Variants in NFKB1 observed in about 807,000 individuals in gnomAD.
NFKB1 encodes the protein nuclear factor NF-kappa-B p105 subunit.
A neutral mutation model predicts 105.1 loss-of-function variants in NFKB1; 9 were observed. That is an observed-to-expected ratio of 0.09 (90% CI 0.05 to 0.15). The LOEUF (loss-of-function observed/expected upper bound fraction) is 0.15. NFKB1 is among the 10% of genes least tolerant of loss of function. The pLI is 1.00. For synonymous variants in NFKB1, 440 were observed against 442.2 expected (o/e 1.00, Z 0.06); for missense variants, 830 against 1,203.7 (o/e 0.69, Z 4.59).
At chr4:102,506,872 T>A (rs983110349) in intron 1 of NFKB1, among the ~76,000 whole-genome samples, 2 of 151,622 alleles carry the variant, frequency 1.3e-5, no homozygotes, top group African/African-American at 4.8e-5. Context: ...AAAAGTTAGT[T>A]ACATATATAT....
chr4:102,610,772 T>C, intron 20 of NFKB1, 73 bp downstream of exon 20: 3 of 1,549,704 alleles, frequency 1.9e-6, no homozygotes, highest in Non-Finnish European at 2.6e-6. Flanking sequence ...GAACAGATGG[T>C]CTTCCTGGTG....
At chr4:102,551,364 G>GCGCGCGCGCGCA (rs1481555874) in intron 5 of NFKB1, among the ~76,000 whole-genome samples, 38 of 88,942 alleles carry the variant, frequency 4.3e-4, no homozygotes, top group African/African-American at 2.1e-3. Context: ...GTGTGTGTGT[G>GCGCGCGCGCGCA]TGTGCGCGCG....
chr4:102,546,694 C>G (rs917207682), intron 5 of NFKB1, among the ~76,000 whole-genome samples: 1 of 152,092 alleles, frequency 6.6e-6, no homozygotes. Flanking sequence ...TTCCTAGAGA[C>G]AAAAGATAAG....
chr4:102,506,112 G>T (rs1739400359), intron 1 of NFKB1, among the ~76,000 whole-genome samples: 1 of 152,082 alleles, frequency 6.6e-6, no homozygotes, highest in African/African-American at 2.4e-5. Flanking sequence ...GAAAAAAAAT[G>T]CCTTTTAGTT....
chr4:102,515,375 G>A (rs375800845), intron 1 of NFKB1, among the ~76,000 whole-genome samples: 222 of 152,040 alleles, frequency 1.5e-3, no homozygotes, highest in African/African-American at 5.0e-3. Flanking sequence ...CTCCCAAAGT[G>A]CTGGGATTAC....
intron 16 of NFKB1, among the ~76,000 whole-genome samples, chr4:102,603,499 G>A (rs1038495039): frequency 6.6e-6 from 1 of 152,068 alleles, no homozygotes; most frequent in African/African-American, 2.4e-5. Context: ...TATCCCTTCT[G>A]ATTTGGGGAC....
intron 1 of NFKB1, among the ~76,000 whole-genome samples, chr4:102,519,372 T>C (rs1740419977): frequency 6.8e-6 from 1 of 147,960 alleles, no homozygotes; most frequent in Non-Finnish European, 1.5e-5. Flanking sequence ...TGTAAGTATA[T>C]GTATATAATT....
At chr4:102,577,123 C>T in intron 7 of NFKB1, 84 bp downstream of exon 7, 1 of 1,387,092 alleles carries the variant, frequency 7.2e-7, no homozygotes, top group Non-Finnish European at 9.8e-7. Context: ...TCATCTGCAT[C>T]CCTTCCAGTC....
intron 5 of NFKB1, among the ~76,000 whole-genome samples, chr4:102,550,996 A>T (rs1342370599): frequency 6.6e-6 from 1 of 152,204 alleles, no homozygotes; most frequent in African/African-American, 2.4e-5. Context: ...ATTAATTTTT[A>T]AAATAGGTGT....
chr4:102,578,389 C>T (rs1725039105), intron 7 of NFKB1: 1 of 157,944 alleles, frequency 6.3e-6, no homozygotes, highest in Middle Eastern at 3.2e-3. Context: ...AAACAGATGT[C>T]CCTGAGTCAT....
At chr4:102,598,576 A>G (rs1726847208) in intron 15 of NFKB1, among the ~76,000 whole-genome samples, 1 of 152,224 alleles carries the variant, frequency 6.6e-6, no homozygotes, top group Non-Finnish European at 1.5e-5. Context: ...TGGTATAACC[A>G]CTGGCCTTGT....
chr4:102,562,368 A>G (rs1723513438), intron 5 of NFKB1, among the ~76,000 whole-genome samples: 2 of 152,138 alleles, frequency 1.3e-5, no homozygotes, highest in South Asian at 4.1e-4. Context: ...TTATTTGATT[A>G]GTGTCAGTCC....
rs780527532 is a variant in NFKB1 at position 102,611,965 on chromosome 4, GTTGT to G, written c.2353-76_2353-73del. The G allele has an allele frequency of 3.5e-6, 4 of 1,143,562 alleles. No individual in the cohort carries two copies. In the East Asian group the frequency reaches 7.2e-5, roughly 21 times the overall value. 70.8% of individuals were successfully genotyped at this position (1,143,562 alleles called of 1,614,324 possible). ...GGCCCTCCTAAGGAGGACATGCTGAGTTGTTTATTATAAAGAAACAGACTGCCCT... is the reference window on the plus strand; with the variant it reads ...GGCCCTCCTAAGGAGGACATGCTGAGTTATTATAAAGAAACAGACTGCCCT... On this transcript the variant is annotated intron_variant, in intron 20 of 23. Coordinates refer to ENST00000226574, the MANE Select transcript of NFKB1 (RefSeq NM_003998.4).
At chr4:102,597,696 G>T in intron 15 of NFKB1, 35 bp downstream of exon 15, 1 of 1,592,974 alleles carries the variant, frequency 6.3e-7, no homozygotes, top group Non-Finnish European at 8.6e-7. Context: ...GGTTGTCCTG[G>T]GTGGGGAAGA....
At chr4:102,587,146 G>C (rs1725774771) in intron 11 of NFKB1, among the ~76,000 whole-genome samples, 1 of 152,210 alleles carries the variant, frequency 6.6e-6, no homozygotes, top group African/African-American at 2.4e-5. Flanking sequence ...GGCCCTGCCA[G>C]CTCGGCCTTC....
Position 102,612,493 on chromosome 4 carries a change from C to T in NFKB1, c.2479C>T (p.Pro827Ser). The T allele has an allele frequency of 6.2e-7, 1 of 1,613,918 alleles. No individual in the cohort carries two copies. Among genetic ancestry groups the T allele is most frequent in the Admixed American group, 1.7e-5 (1 of 60,030 alleles). Residue 827 changes from proline to serine, a missense_variant, in exon 22 of 24, where the codon CCT becomes TCT. By Grantham distance (74) the Pro-to-Ser change is moderately conservative (BLOSUM62 -1). This residue lies in a region of NFKB1 where 418 missense variants were observed against 575.3 expected (regional missense o/e 0.73). Transcript: ENST00000226574. ...GCAGCTGTATAAGTTACTAGAAATT[C>T]CTGATCCAGACAAAAACTGGGCTAC... ...KLQLYKLLEI[P>S]DPDKNWATLA... is the part of the protein sequence containing the mutation.
intron 10 of NFKB1, 50 bp from the exon 11 acceptor site, chr4:102,584,627 CAAAAA>C: frequency 3.0e-6 from 4 of 1,328,000 alleles, no homozygotes; most frequent in East Asian, 2.7e-5. Flanking sequence ...AGCATTACTG[CAAAAA>C]AAAAAAAAAT....
At chr4:102,546,145 T>C (rs1722125218) in intron 5 of NFKB1, among the ~76,000 whole-genome samples, 1 of 152,182 alleles carries the variant, frequency 6.6e-6, no homozygotes, top group Non-Finnish European at 1.5e-5. Context: ...CTAATATTTG[T>C]AGTGATTACA....
intron 1 of NFKB1, among the ~76,000 whole-genome samples, chr4:102,511,367 A>AT (rs1171216846): frequency 5.3e-5 from 8 of 152,254 alleles, no homozygotes; most frequent in African/African-American, 1.7e-4. Flanking sequence ...TAAATCATGT[A>AT]GTCTTTTCAG....
Sources: allele counts gnomAD v4.1 joint callset (sites outside exome capture counted in the v4.1 genomes callset), GRCh38; gene constraint gnomAD v4.1.1; regional missense constraint gnomAD v4.1.1; transcripts MANE v1.5; gene names NCBI Gene and HGNC (gene_info 2026-07-23, HGNC 2026-07-21).